The following B3GALT1 variants were observed in gnomAD, a reference collection of about 807,000 sequenced individuals.
B3GALT1 encodes the protein beta-1,3-galactosyltransferase 1.
B3GALT1 carries 10 observed loss-of-function variants against 23.2 expected under a neutral mutation model. The observed-to-expected ratio is 0.43, with a 90% CI of 0.27 to 0.73. The LOEUF (loss-of-function observed/expected upper bound fraction) is 0.73. Ranked by LOEUF, B3GALT1 falls within the 30% of genes least tolerant of loss-of-function variation. B3GALT1 has a pLI of 0.21. For missense variants in B3GALT1, 299 were observed against 405.4 expected, an observed-to-expected ratio of 0.74 and a Z score of 2.25; for synonymous variants, 156 against 141.5, an observed-to-expected ratio of 1.10 and a Z score of -0.73.
intron 3 of B3GALT1, among the ~76,000 whole-genome samples, chr2:167,814,090 A>G (rs1688943455): frequency 6.6e-6 from 1 of 152,260 alleles, no homozygotes; most frequent in Non-Finnish European, 1.5e-5. Context: ...AAGTAAAGGC[A>G]TAGCAATACA....
At chr2:167,338,554 A>G (rs1226908733) in intron 1 of B3GALT1, among the ~76,000 whole-genome samples, 1 of 152,102 alleles carries the variant, frequency 6.6e-6, no homozygotes, top group African/African-American at 2.4e-5. Flanking sequence ...CAAATCAGTG[A>G]TTGTGCTGAG....
chr2:167,834,024 A>C (rs1276713933), intron 4 of B3GALT1, among the ~76,000 whole-genome samples: 1 of 152,240 alleles, frequency 6.6e-6, no homozygotes, highest in Non-Finnish European at 1.5e-5. Context: ...TGAGGAGTAG[A>C]ACTCTATTGC....
chr2:167,666,311 AAGAC>A (rs1488494302), intron 3 of B3GALT1, among the ~76,000 whole-genome samples: 3 of 152,074 alleles, frequency 2.0e-5, no homozygotes, highest in Non-Finnish European at 2.9e-5. Flanking sequence ...TGTGGTCTGA[AAGAC>A]AGTTTGTTAT....
At chr2:167,337,368 C>T (rs1697076167) in intron 1 of B3GALT1, among the ~76,000 whole-genome samples, 1 of 151,974 alleles carries the variant, frequency 6.6e-6, no homozygotes, top group South Asian at 2.1e-4. Flanking sequence ...CACACTCTCA[C>T]ACCATACACA....
intron 3 of B3GALT1, among the ~76,000 whole-genome samples, chr2:167,732,792 C>T (rs1187473355): frequency 6.6e-6 from 1 of 152,166 alleles, no homozygotes; most frequent in East Asian, 1.9e-4. Context: ...CAGGACCCTA[C>T]ATTGAAGATA....
chr2:167,633,343 T>C (rs747340745), intron 2 of B3GALT1, among the ~76,000 whole-genome samples: 8 of 151,884 alleles, frequency 5.3e-5, no homozygotes, highest in Non-Finnish European at 1.0e-4. Flanking sequence ...ATGGGCTAAA[T>C]GCCCCAAATA....
At chr2:167,786,004 G>A (rs1304488327) in intron 3 of B3GALT1, among the ~76,000 whole-genome samples, 5 of 152,194 alleles carry the variant, frequency 3.3e-5, no homozygotes, top group African/African-American at 1.2e-4. Context: ...TACGTTGAAA[G>A]CAATTTTCCC....
chr2:167,406,522 A>T (rs1698278988), intron 1 of B3GALT1, among the ~76,000 whole-genome samples: 1 of 152,184 alleles, frequency 6.6e-6, no homozygotes, highest in African/African-American at 2.4e-5. Flanking sequence ...GCACACAGGA[A>T]ATCTCCCCTC....
intron 1 of B3GALT1, among the ~76,000 whole-genome samples, chr2:167,317,363 C>CT (rs1264748465): frequency 6.6e-6 from 1 of 152,084 alleles, no homozygotes; most frequent in African/African-American, 2.4e-5. Context: ...CTCTTGTGGG[C>CT]TCCAAGTATG....
At chr2:167,603,744 C>T (rs1684913422) in intron 2 of B3GALT1, among the ~76,000 whole-genome samples, 1 of 152,142 alleles carries the variant, frequency 6.6e-6, no homozygotes, top group Non-Finnish European at 1.5e-5. Flanking sequence ...TCTTCTTTCC[C>T]TTGAAGTTCA....
chr2:167,345,203 A>C (rs1186560544), intron 1 of B3GALT1, among the ~76,000 whole-genome samples: 1 of 151,878 alleles, frequency 6.6e-6, no homozygotes, highest in Non-Finnish European at 1.5e-5. Context: ...GGATTTTTCT[A>C]TAAGTTGGCC....
intron 1 of B3GALT1, among the ~76,000 whole-genome samples, chr2:167,444,696 T>A (rs927956112): frequency 9.2e-5 from 14 of 152,358 alleles, no homozygotes; most frequent in South Asian, 6.2e-4. Flanking sequence ...TGTATTACTG[T>A]GGGATTGGTG....
At chr2:167,566,519 A>C (rs1307668220) in intron 2 of B3GALT1, among the ~76,000 whole-genome samples, 3 of 150,496 alleles carry the variant, frequency 2.0e-5, no homozygotes, top group African/African-American at 7.4e-5. Context: ...ATAATAAAAG[A>C]ATAAAAAGAA....
intron 1 of B3GALT1, among the ~76,000 whole-genome samples, chr2:167,480,135 G>A (rs1308688718): frequency 6.6e-6 from 1 of 152,096 alleles, no homozygotes; most frequent in African/African-American, 2.4e-5. Flanking sequence ...GTGACCCCTG[G>A]CTACATGACT....
At chr2:167,327,732 G>T (rs1449844261) in intron 1 of B3GALT1, among the ~76,000 whole-genome samples, 2 of 152,092 alleles carry the variant, frequency 1.3e-5, no homozygotes, top group African/African-American at 4.8e-5. Flanking sequence ...TTGCTGGATT[G>T]CTGTGGATAG....
chr2:167,814,769 C>G (rs896613845), intron 3 of B3GALT1: 2 of 152,198 alleles, frequency 1.3e-5, no homozygotes, highest in African/African-American at 4.8e-5. Flanking sequence ...AAAACAACAA[C>G]AAACAACAGC....
At chr2:167,430,857 A>G (rs1398584341) in intron 1 of B3GALT1, among the ~76,000 whole-genome samples, 1 of 152,180 alleles carries the variant, frequency 6.6e-6, no homozygotes, top group African/African-American at 2.4e-5. Flanking sequence ...TCCAGAGAAA[A>G]CACTTCAATG....
intron 1 of B3GALT1, among the ~76,000 whole-genome samples, chr2:167,481,409 T>C (rs1324574467): frequency 6.6e-6 from 1 of 152,252 alleles, no homozygotes; most frequent in Non-Finnish European, 1.5e-5. Flanking sequence ...ATAAATGTTT[T>C]AATTATATAC....
chr2:167,547,328 A>C (rs1239240802), intron 2 of B3GALT1, among the ~76,000 whole-genome samples: 1 of 152,188 alleles, frequency 6.6e-6, no homozygotes, highest in Admixed American at 6.5e-5. Context: ...TTTGGGTTAC[A>C]TTATCTTCTT....
Sources: allele counts gnomAD v4.1 joint callset (sites outside exome capture counted in the v4.1 genomes callset), GRCh38; gene constraint gnomAD v4.1.1; transcripts MANE v1.5; gene names NCBI Gene and HGNC (gene_info 2026-07-23, HGNC 2026-07-21).